MYO1D: variants seen among roughly 807,000 people sequenced by gnomAD.
The protein encoded by MYO1D is unconventional myosin-Id.
MYO1D carries 83 observed loss-of-function variants against 122.0 expected under a neutral mutation model. The observed-to-expected ratio is 0.68, with a 90% CI of 0.57 to 0.82. The LOEUF is 0.82. MYO1D is among the 40% of genes least tolerant of loss of function. MYO1D has a pLI of 0.00. For missense variants in MYO1D, 1,157 were observed against 1,269.5 expected (o/e 0.91, Z 1.35); for synonymous variants, 464 against 446.9 (o/e 1.04, Z -0.48).
At chr17:32,730,069 CTTCTTTTTTATGTTTTTGTTTT>C (rs2150997471) in intron 14 of MYO1D, among the ~76,000 whole-genome samples, 1 of 148,282 alleles carries the variant, frequency 6.7e-6, no homozygotes, top group Admixed American at 6.7e-5. Flanking sequence ...TCTTTTGTTT[CTTCTTTTTTATGTTTTTGTTTT>C]GGGGGCAGGG....
chr17:32,726,463 G>A (rs555903391), intron 14 of MYO1D, among the ~76,000 whole-genome samples: 1 of 150,604 alleles, frequency 6.6e-6, no homozygotes, highest in African/African-American at 2.4e-5. Flanking sequence ...TGCTTTTCAT[G>A]AGTAACTTGG....
intron 19 of MYO1D, among the ~76,000 whole-genome samples, chr17:32,648,886 T>C (rs927604884): frequency 6.6e-6 from 1 of 152,244 alleles, no homozygotes; most frequent in African/African-American, 2.4e-5. Context: ...TTCTTTTGCA[T>C]TGAGATTTTT....
chr17:32,722,197 TAC>T (rs2089519979), intron 14 of MYO1D, among the ~76,000 whole-genome samples: 1 of 152,246 alleles, frequency 6.6e-6, no homozygotes, highest in South Asian at 2.1e-4. Flanking sequence ...CATGCTGTCC[TAC>T]ATGGTGAAAG....
At chr17:32,728,210 A>ATTT (rs34100497) in intron 14 of MYO1D, among the ~76,000 whole-genome samples, 3 of 144,600 alleles carry the variant, frequency 2.1e-5, no homozygotes, top group Non-Finnish European at 4.6e-5. Context: ...ATTGAATGCA[A>ATTT]TTTTTTTTTT....
At chr17:32,829,874 G>T (rs979957208) in intron 1 of MYO1D, among the ~76,000 whole-genome samples, 2 of 152,016 alleles carry the variant, frequency 1.3e-5, no homozygotes, top group Admixed American at 1.3e-4. Flanking sequence ...TCATAAATCG[G>T]TCTCTCCAAC....
intron 21 of MYO1D, among the ~76,000 whole-genome samples, chr17:32,586,870 G>C (rs984388890): frequency 6.6e-6 from 1 of 152,170 alleles, no homozygotes; most frequent in Non-Finnish European, 1.5e-5. Flanking sequence ...AGTGTCTCAG[G>C]ATGTGAGTCA....
chr17:32,531,612 C>T (rs558562949), intron 21 of MYO1D: 1 of 152,368 alleles, frequency 6.6e-6, no homozygotes, highest in East Asian at 1.9e-4. Context: ...GAAAAAATGG[C>T]ATCAGCTCTG....
intron 21 of MYO1D, among the ~76,000 whole-genome samples, chr17:32,554,944 A>G (rs894932278): frequency 6.6e-6 from 1 of 152,218 alleles, no homozygotes; most frequent in Non-Finnish European, 1.5e-5. Flanking sequence ...TGGTAGGAGC[A>G]TAACATGGTA....
chr17:32,706,542 G>A (rs545903493), intron 16 of MYO1D, among the ~76,000 whole-genome samples: 1 of 152,250 alleles, frequency 6.6e-6, no homozygotes, highest in East Asian at 1.9e-4. Flanking sequence ...GAATAAAATG[G>A]TGAGTCCTGA....
rs570560156 is a variant in MYO1D at position 32,676,584 on chromosome 17, T to C, written c.2122-17246A>G. 8.5e-5 allele frequency among the ~76,000 whole-genome samples: 13 copies of C among 152,218 alleles called. No individual in the cohort carries two copies. The South Asian group carries it at 2.7e-3, about 32-fold the overall frequency. ...TCTGAGAGAATGTCCAAGGGACTTC[T>C]AGAGGCGACTCTCCCTGAACCTAGA... On this transcript the variant is annotated intron_variant, in intron 16 of 21. Coordinates refer to ENST00000318217, the MANE Select transcript of MYO1D (RefSeq NM_015194.3).
intron 16 of MYO1D, among the ~76,000 whole-genome samples, chr17:32,704,343 C>T (rs965040707): frequency 3.9e-5 from 6 of 152,162 alleles, no homozygotes; most frequent in Admixed American, 2.6e-4. Flanking sequence ...TTATAAAACA[C>T]ATTTTTCAAT....
chr17:32,765,066 C>A lies in MYO1D; in HGVS notation c.847G>T (p.Val283Leu). Residue 283 changes from valine to leucine, a missense_variant, in exon 8 of 22, where the codon GTA becomes TTA. By Grantham distance (32) the Val-to-Leu change is conservative. Transcript: ENST00000318217. ...ATAAGAGGCGTGTCACCATCTACTACAAATTTTAAATTTCCCTGTATCAAA... is the reference window on the plus strand; with the variant it reads ...ATAAGAGGCGTGTCACCATCTACTAAAAATTTTAAATTTCCCTGTATCAAA... ...AILHLGNLKFVVDGDTPLIEN... is the reference protein window; with the variant it reads ...AILHLGNLKFLVDGDTPLIEN... 6.2e-7 allele frequency: 1 copy of A among 1,612,466 alleles called. No homozygotes were observed. The highest frequency in any genetic ancestry group is 8.5e-7 in the Non-Finnish European group (1 of 1,178,964).
chr17:32,648,316 A>G (rs539247273), intron 19 of MYO1D, among the ~76,000 whole-genome samples: 2 of 152,314 alleles, frequency 1.3e-5, no homozygotes, highest in African/African-American at 4.8e-5. Flanking sequence ...ATAATAAGAA[A>G]TACATATATT....
intron 21 of MYO1D, among the ~76,000 whole-genome samples, chr17:32,588,004 G>A (rs2087406523): frequency 6.6e-6 from 1 of 152,210 alleles, no homozygotes; most frequent in African/African-American, 2.4e-5. Context: ...TTTATATAAA[G>A]AGTCAAAAGA....
chr17:32,549,113 G>T (rs1319586003), intron 21 of MYO1D, among the ~76,000 whole-genome samples: 1 of 152,130 alleles, frequency 6.6e-6, no homozygotes, highest in Non-Finnish European at 1.5e-5. Context: ...GTTTGTTTGA[G>T]ACAGGGTCTT....
chr17:32,588,089 C>A (rs1266088860), intron 21 of MYO1D, among the ~76,000 whole-genome samples: 1 of 152,066 alleles, frequency 6.6e-6, no homozygotes, highest in Non-Finnish European at 1.5e-5. Flanking sequence ...TAGAAGAAAG[C>A]TAAATATCAA....
chr17:32,666,737 A>C (rs1056321049), intron 16 of MYO1D, among the ~76,000 whole-genome samples: 1 of 152,130 alleles, frequency 6.6e-6, no homozygotes, highest in African/African-American at 2.4e-5. Flanking sequence ...AATTCTAGTC[A>C]TTATGGGCAT....
At chr17:32,874,316 T>TCTGTGTCTCTGTCTCTCTCTCTC (rs1411392544) in intron 1 of MYO1D, among the ~76,000 whole-genome samples, 1 of 27,270 alleles carries the variant, frequency 3.7e-5, no homozygotes, top group Admixed American at 4.6e-4. Context: ...CTCTCTCTCT[T>TCTGTGTCTCTGTCTCTCTCTCTC]TGTGTCTCTG....
intron 21 of MYO1D, among the ~76,000 whole-genome samples, chr17:32,579,435 G>C (rs541517202): frequency 6.6e-6 from 1 of 152,164 alleles, no homozygotes; most frequent in South Asian, 2.1e-4. Flanking sequence ...ACAATTCATG[G>C]CCCTGTCTCA....
Sources: gnomAD v4.1 joint callset for allele counts (sites outside exome capture counted in the v4.1 genomes callset) on GRCh38, gnomAD v4.1.1 for gene constraint, MANE v1.5 for transcripts, NCBI Gene and HGNC (gene_info 2026-07-23, HGNC 2026-07-21) for gene names.